The following EVC2 variants were observed in gnomAD, a reference collection of about 807,000 sequenced individuals.
EVC2 encodes the protein limbin.
A neutral mutation model predicts 149.3 loss-of-function variants in EVC2; 148 were observed. The observed-to-expected ratio is 0.99, with a 90% confidence interval of 0.87 to 1.14. The LOEUF is 1.14. EVC2 is among the 50% of genes most tolerant of loss of function. The pLI is 0.00. For synonymous variants in EVC2, 776 were observed against 649.9 expected (o/e 1.19, Z -2.95); for missense variants, 1,854 against 1,627.3 (o/e 1.14, Z -2.40).
chr4:5,674,598 G>T (rs565421135), intron 7 of EVC2, among the ~76,000 whole-genome samples: 1 of 152,144 alleles, frequency 6.6e-6, no homozygotes, highest in African/African-American at 2.4e-5. Flanking sequence ...GCATCACAGC[G>T]TGCAGATGCT....
chr4:5,708,306 C>A lies in EVC2; in HGVS notation c.208G>T (p.Gly70Trp). ...CTTACCTGCGTGCTGCTCTCGGGCC[C>A]CGCCCCGCTCCGCCCCGGAGGGATC... is the stretch of plus-strand genomic sequence containing the variant. Reference protein sequence around the residue: ...LRIPPGRSGAGPESSTQDLPC... With the variant: ...LRIPPGRSGAWPESSTQDLPC... The change falls in exon 1 of 22, where the codon GGG becomes TGG. Residue 70 changes from glycine (G) to tryptophan (W), a missense_variant. By Grantham distance (184) the Gly-to-Trp change is radical. Transcript: ENST00000344408. 1 of 1,463,174 alleles carries A rather than the reference C, an allele frequency of 6.8e-7. No homozygotes were observed. The highest frequency in any genetic ancestry group is 1.3e-5 in the South Asian group (1 of 74,276). 90.6% of individuals were successfully genotyped at this position (1,463,174 alleles called of 1,614,324 possible). A position where few individuals can be genotyped will look rare whatever the true frequency, so the allele number is the denominator to read the frequency against.
At position 5,563,038 on chromosome 4, in the gene EVC2, A is replaced by T; in HGVS notation, c.3737T>A (p.Leu1246Gln). 1 of 1,614,226 alleles carries T rather than the reference A, an allele frequency of 6.2e-7. No individual in the cohort carries two copies. The highest frequency in any genetic ancestry group is 8.5e-7 in the Non-Finnish European group (1 of 1,180,036). The change falls in exon 22 of 22, where the codon CTG (leucine) becomes CAG (glutamine). Residue 1246 changes from leucine (L) to glutamine (Q), a missense_variant. Transcript: ENST00000344408. ...SGKGSWPHLS[L>Q]EPIGELAPVP... The stretch of plus-strand genomic sequence containing the variant: ...AGGGGCCAGTTCGCCAATGGGCTCC[A>T]GTGACAGGTGTGGCCAACTTCCTTT...
intron 16 of EVC2, among the ~76,000 whole-genome samples, chr4:5,602,955 T>TGC (rs1401431117): frequency 6.6e-6 from 1 of 151,966 alleles, no homozygotes; most frequent in Non-Finnish European, 1.5e-5. Context: ...GCTGAAAATG[T>TGC]GTGTGTGTGT....
intron 21 of EVC2, among the ~76,000 whole-genome samples, chr4:5,550,642 C>T (rs903597856): frequency 1.3e-5 from 2 of 152,190 alleles, no homozygotes; most frequent in African/African-American, 4.8e-5. Context: ...GAAATTCAAG[C>T]CAGCTGCAGA....
chr4:5,543,050 A>G (rs1360797400), exon 22 of EVC2: 3 of 947,422 alleles, frequency 3.2e-6, no homozygotes, highest in Non-Finnish European at 4.4e-6. Context: ...ACTTACTATT[A>G]CGCAAACAGA....
chr4:5,654,556 T>C (rs1405521256), intron 9 of EVC2, among the ~76,000 whole-genome samples: 6 of 152,134 alleles, frequency 3.9e-5, no homozygotes, highest in Non-Finnish European at 5.9e-5. Flanking sequence ...CAATCTTTGG[T>C]GGGCAATGGC....
rs2108867635 is a variant in EVC2, at chr4:5,643,090, A to ATT, written c.1146-2253_1146-2252insAA. On this transcript the variant is annotated intron_variant, in intron 9 of 21. Transcript: ENST00000344408. ...ATGTACATGCATATCTACTTTACTTAACCTTGTTGCTAAAGGGTGGTAAAA... is the reference window on the plus strand; with the variant it reads ...ATGTACATGCATATCTACTTTACTTATTACCTTGTTGCTAAAGGGTGGTAAAA... Among the ~76,000 whole-genome samples, 2 of 152,290 alleles carry ATT rather than the reference A, an allele frequency of 1.3e-5. 1 individual carries two copies. The highest frequency in any genetic ancestry group is 4.1e-4 in the South Asian group (2 of 4,828).
At chr4:5,620,041 C>T (rs993123033) in intron 14 of EVC2, among the ~76,000 whole-genome samples, 5 of 152,148 alleles carry the variant, frequency 3.3e-5, no homozygotes, top group African/African-American at 7.2e-5. Flanking sequence ...AAAGGTCTTT[C>T]GTGGAAAGAG....
At chr4:5,630,047 CTG>C (rs1176962185) in intron 11 of EVC2, among the ~76,000 whole-genome samples, 1 of 152,210 alleles carries the variant, frequency 6.6e-6, no homozygotes, top group Non-Finnish European at 1.5e-5. Context: ...GATAACGAAT[CTG>C]TGAATATCTA....
rs372628056 is a variant in EVC2 at position 5,665,060 on chromosome 4, G to T, written c.1005+455C>A. Among the ~76,000 whole-genome samples the T allele has an allele frequency of 1.4e-4, 21 of 151,636 alleles. No homozygotes were observed. The South Asian group carries it at 4.4e-3, about 32-fold the overall frequency. ...ATGGGATGCCCGTGGGTAATGGGAT[G>T]CATGTGGGTGACAGGCTGCGTGTGG... On this transcript the variant is annotated intron_variant, in intron 8 of 21. Transcript: ENST00000344408.
At chr4:5,652,587 A>T (rs1718223410) in intron 9 of EVC2, among the ~76,000 whole-genome samples, 1 of 152,204 alleles carries the variant, frequency 6.6e-6, no homozygotes, top group Non-Finnish European at 1.5e-5. Flanking sequence ...TAAGGTCCTC[A>T]GGAGCATCCT....
At chr4:5,575,493 CG>C (rs1398931990) in intron 18 of EVC2, among the ~76,000 whole-genome samples, 1 of 152,154 alleles carries the variant, frequency 6.6e-6, no homozygotes, top group Non-Finnish European at 1.5e-5. Flanking sequence ...CACAGAAGAG[CG>C]TGATAGGATG....
chr4:5,664,883 G>C (rs1404861170), intron 8 of EVC2, among the ~76,000 whole-genome samples: 5 of 151,668 alleles, frequency 3.3e-5, no homozygotes, highest in African/African-American at 1.2e-4. Flanking sequence ...TGGGCTGCGT[G>C]TGGGTGATGG....
At chr4:5,672,783 T>C (rs1719732890) in intron 7 of EVC2, among the ~76,000 whole-genome samples, 1 of 152,244 alleles carries the variant, frequency 6.6e-6, no homozygotes, top group African/African-American at 2.4e-5. Flanking sequence ...AGAACATGTG[T>C]ATATCCATAT....
At chr4:5,707,713 G>C (rs1199670136) in intron 1 of EVC2, among the ~76,000 whole-genome samples, 1 of 152,098 alleles carries the variant, frequency 6.6e-6, no homozygotes, top group African/African-American at 2.4e-5. Context: ...AGCTTTGTCG[G>C]GGGAGGTCAA....
At chr4:5,684,521 C>T (rs1720560195) in intron 6 of EVC2, among the ~76,000 whole-genome samples, 1 of 152,150 alleles carries the variant, frequency 6.6e-6, no homozygotes, top group South Asian at 2.1e-4. Flanking sequence ...CAAAAGGAAG[C>T]AGAGCATCAT....
rs543489318 is a variant in EVC2, at chr4:5,683,694, G to A, written c.816+1676C>T. ...TTCAGGGTGGGGCAGGGGAAGCCACGAGGAAGGTCCTCCCAGAGCATGCAG... is the reference window on the plus strand; with the variant it reads ...TTCAGGGTGGGGCAGGGGAAGCCACAAGGAAGGTCCTCCCAGAGCATGCAG... On this transcript the variant is annotated intron_variant, in intron 6 of 21. Transcript: ENST00000344408. Among the ~76,000 whole-genome samples, 315 of 152,180 alleles carry A rather than the reference G, an allele frequency of 2.1e-3. 2 individuals are homozygous for A. The highest frequency in any genetic ancestry group is 7.3e-3 in the African/African-American group (305 of 41,504).
rs371627462 is a variant in EVC2, at chr4:5,646,381, T to G, written c.1146-5543A>C. On this transcript the variant is annotated intron_variant, in intron 9 of 21. Transcript: ENST00000344408. Reference sequence around the variant, plus strand: ...ATGAAAAGTGTCTATTCATGTCCCTTGTCCACTTTTTAATGGCTTTTTTTT... The same window carrying G: ...ATGAAAAGTGTCTATTCATGTCCCTGGTCCACTTTTTAATGGCTTTTTTTT... Among the ~76,000 whole-genome samples the G allele has an allele frequency of 5.3e-5, 8 of 152,284 alleles. No individual in the cohort carries two copies. The East Asian group carries it at 7.7e-4, about 15-fold the overall frequency.
chr4:5,666,099 C>G (rs1719263432), intron 7 of EVC2, among the ~76,000 whole-genome samples: 1 of 152,118 alleles, frequency 6.6e-6, no homozygotes, highest in South Asian at 2.1e-4. Context: ...AATAATTAAA[C>G]CCCAATTTTT....
Sources: allele counts gnomAD v4.1 joint callset (sites outside exome capture counted in the v4.1 genomes callset), GRCh38; gene constraint gnomAD v4.1.1; transcripts MANE v1.5; gene names NCBI Gene and HGNC (gene_info 2026-07-23, HGNC 2026-07-21).